Variants in ZNF33A observed in about 807,000 individuals in gnomAD.
ZNF33A encodes the protein zinc finger protein 33A.
A neutral mutation model predicts 15.9 loss-of-function variants in ZNF33A; 9 were observed. That is an observed-to-expected ratio of 0.57 (90% CI 0.34 to 0.99). The LOEUF (loss-of-function observed/expected upper bound fraction) is 0.99, where lower values mean the gene tolerates loss of function less well. Among genes scored for constraint, ZNF33A ranks in the 50% least tolerant of loss-of-function variants. ZNF33A has a pLI of 0.02. For synonymous variants in ZNF33A, 294 were observed against 324.2 expected (o/e 0.91, Z 1.00); for missense variants, 843 against 941.6 (o/e 0.90, Z 1.37).
chr10:38,017,548 GA>G (rs2064516578), intron 4 of ZNF33A, 162 bp downstream of exon 4: 2 of 506,658 alleles, frequency 3.9e-6, no homozygotes, highest in Non-Finnish European at 7.0e-6. Context: ...CAAACTTCCA[GA>G]TACTACTCAC....
Position 38,055,348 on chromosome 10 carries a change from A to G in ZNF33A, c.1224A>G (p.Thr408=), listed in dbSNP as rs370032131. 72 of 1,614,014 alleles carry G rather than the reference A, an allele frequency of 4.5e-5. No homozygotes were observed. Among genetic ancestry groups the G allele is most frequent in the Middle Eastern group, 3.3e-4 (2 of 6,084 alleles). ...TCACATTACACCAGAGAACACATAC[A>G]GGGGAGAAACCCTATCAATGTAATG... The part of the protein sequence containing the change: ...SALTLHQRTH[T]GEKPYQCNAC... The change falls in exon 5 of 5, where the codon ACA becomes ACG. Residue 408 remains threonine, a synonymous_variant. Coordinates refer to ENST00000432900, the MANE Select transcript of ZNF33A (RefSeq NM_006954.2).
At chr10:38,015,755 A>T (rs2064423291) in intron 2 of ZNF33A, among the ~76,000 whole-genome samples, 1 of 151,936 alleles carries the variant, frequency 6.6e-6, no homozygotes, top group African/African-American at 2.4e-5. Context: ...CAGAGGAAAC[A>T]TTTTTTTTCT....
chr10:38,063,653 T>C (rs1394496776), downstream of ZNF33A, among the ~76,000 whole-genome samples: 1 of 152,190 alleles, frequency 6.6e-6, no homozygotes, highest in Non-Finnish European at 1.5e-5. Flanking sequence ...GATAGTGAGG[T>C]AACTTCTAGT....
At position 38,048,367 on chromosome 10, in the gene ZNF33A, GAAGT is replaced by G. The variant is rs1467354606; in HGVS notation, c.251-6005_251-6002del. On this transcript the variant is annotated intron_variant, in intron 4 of 4. Transcript: ENST00000432900. ...CATAGCCTAAAAAGGCTGTGAAAAAGAAGTAAAGTATATACTATTGGAAGATCCA... is the reference window on the plus strand; with the variant it reads ...CATAGCCTAAAAAGGCTGTGAAAAAGAAAGTATATACTATTGGAAGATCCA... Among the ~76,000 whole-genome samples, 5 of 152,216 alleles carry G rather than the reference GAAGT, an allele frequency of 3.3e-5. No homozygotes were observed. In the East Asian group the frequency reaches 9.6e-4, roughly 29 times the overall value.
chr10:38,063,885 AG>A (rs1346365542), downstream of ZNF33A, among the ~76,000 whole-genome samples: 1 of 152,138 alleles, frequency 6.6e-6, no homozygotes, highest in Non-Finnish European at 1.5e-5. Context: ...TGACGATTGC[AG>A]GGAGGAGGTC....
intron 4 of ZNF33A, among the ~76,000 whole-genome samples, chr10:38,052,331 A>G (rs375269819): frequency 1.3e-5 from 2 of 152,296 alleles, no homozygotes; most frequent in African/African-American, 4.8e-5. Context: ...GCAATGATCA[A>G]TTGGAACTTG....
intron 4 of ZNF33A, among the ~76,000 whole-genome samples, chr10:38,029,164 C>T (rs2065109178): frequency 6.6e-6 from 1 of 152,100 alleles, no homozygotes; most frequent in Non-Finnish European, 1.5e-5. Context: ...TTTATTTTTT[C>T]CTCCAGATTA....
In ZNF33A at chr10:38,055,160, C is replaced by T. The variant is rs556451252; in HGVS notation, c.1036C>T (p.Arg346Ter). ...KAFWEKSHLT[R>*]HQRVHTGQKP... ...TTTCTGGGAGAAGTCACATCTCACT[C>T]GACATCAGAGGGTGCACACAGGACA... is the stretch of plus-strand genomic sequence containing the variant. The change falls in exon 5 of 5, where the codon CGA (arginine) becomes TGA (stop). Residue 346 changes from arginine to a stop codon, truncating the protein, a stop_gained. Coordinates refer to ENST00000432900, the MANE Select transcript of ZNF33A (RefSeq NM_006954.2). LOFTEE classifies it low-confidence loss of function (END_TRUNC). 30 of 1,613,830 alleles carry T rather than the reference C, an allele frequency of 1.9e-5. No homozygotes were observed. Among genetic ancestry groups the T allele is most frequent in the African/African-American group, 4.0e-5 (3 of 74,898 alleles).
intron 4 of ZNF33A, among the ~76,000 whole-genome samples, chr10:38,028,070 T>A (rs1219392369): frequency 6.6e-6 from 1 of 152,044 alleles, no homozygotes; most frequent in Non-Finnish European, 1.5e-5. Flanking sequence ...AGTTGGAGAC[T>A]AGCCTGGTCT....
chr10:38,044,616 T>C (rs2065872615), intron 4 of ZNF33A, among the ~76,000 whole-genome samples: 1 of 152,234 alleles, frequency 6.6e-6, no homozygotes, highest in South Asian at 2.1e-4. Context: ...ATTTTCTGTT[T>C]GATGAGGCAT....
At chr10:38,029,466 C>T (rs1435976964) in intron 4 of ZNF33A, among the ~76,000 whole-genome samples, 1 of 152,166 alleles carries the variant, frequency 6.6e-6, no homozygotes, top group Non-Finnish European at 1.5e-5. Flanking sequence ...ACAAAACTTT[C>T]CCACCATTTG....
chr10:38,033,002 C>T (rs1199151932), intron 4 of ZNF33A, among the ~76,000 whole-genome samples: 2 of 152,190 alleles, frequency 1.3e-5, no homozygotes, highest in Non-Finnish European at 2.9e-5. Flanking sequence ...CCTGCATAGG[C>T]CTCCCAAAGT....
In ZNF33A at chr10:38,055,578, C is replaced by T. The variant is rs554173031; in HGVS notation, c.1454C>T (p.Thr485Ile). The change falls in exon 5 of 5, where the codon ACA (threonine) becomes ATA (isoleucine). Residue 485 changes from threonine (T) to isoleucine (I), a missense_variant. By Grantham distance (89) the Thr-to-Ile change is moderately conservative. Transcript: ENST00000432900. ...GKSFSEKSNL[T>I]QHQRIHIGDK... ...TCCTTTAGTGAAAAGTCAAATCTTACACAGCATCAGAGAATTCACATAGGA... is the reference window on the plus strand; with the variant it reads ...TCCTTTAGTGAAAAGTCAAATCTTATACAGCATCAGAGAATTCACATAGGA... 3.1e-6 allele frequency: 5 copies of T among 1,614,126 alleles called. No individual in the cohort carries two copies. In the South Asian group the frequency reaches 4.4e-5, roughly 14 times the overall value.
At chr10:38,061,790 G>T (rs139732981), downstream of ZNF33A, among the ~76,000 whole-genome samples, 25 of 151,950 alleles carry the variant, frequency 1.6e-4, no homozygotes, top group African/African-American at 5.6e-4. Flanking sequence ...GTGAAACCCC[G>T]TCTCTACTAA....
At chr10:38,038,792 A>G (rs1258018589) in intron 4 of ZNF33A, among the ~76,000 whole-genome samples, 2 of 152,148 alleles carry the variant, frequency 1.3e-5, no homozygotes, top group Non-Finnish European at 2.9e-5. Context: ...TATAGAGAAG[A>G]TGGTCATTGG....
intron 4 of ZNF33A, among the ~76,000 whole-genome samples, chr10:38,047,968 A>T (rs1470364731): frequency 1.3e-5 from 2 of 152,228 alleles, no homozygotes; most frequent in Non-Finnish European, 2.9e-5. Context: ...GGAAAGGTTG[A>T]TAGCAGATTT....
chr10:38,055,915 T>G lies in ZNF33A; in HGVS notation c.1791T>G (p.Thr597=). 1 of 1,613,656 alleles carries G rather than the reference T, an allele frequency of 6.2e-7. No individual in the cohort carries two copies. The highest frequency in any genetic ancestry group is 8.5e-7 in the Non-Finnish European group (1 of 1,179,880). ...TCTTTTACAATAAATCATACCTAAC[T>G]AAACATAATAGAACACATACAGGGG... is the stretch of plus-strand genomic sequence containing the variant. ...GKIFYNKSYL[T]KHNRTHTGEK... Residue 597 remains threonine, a synonymous_variant, in exon 5 of 5, where the codon ACT becomes ACG. Transcript: ENST00000432900.
At chr10:38,053,590 A>G (rs1013241095) in intron 4 of ZNF33A, among the ~76,000 whole-genome samples, 4 of 152,178 alleles carry the variant, frequency 2.6e-5, no homozygotes, top group Non-Finnish European at 5.9e-5. Context: ...AGATTCCTTA[A>G]TAAGGAATGT....
At position 38,054,858 on chromosome 10, in the gene ZNF33A, A is replaced by G. The variant is rs376394572; in HGVS notation, c.734A>G (p.Asn245Ser). 29 of 1,613,450 alleles carry G rather than the reference A, an allele frequency of 1.8e-5. No individual in the cohort carries two copies. The highest frequency in any genetic ancestry group is 2.5e-5 in the Non-Finnish European group (29 of 1,179,988). ...CAGAAGAGAGAGAACGCAGAAGAGA[A>G]TAACTGTGATTATAATGAATTTGGG... ...NTQKRENAEE[N>S]NCDYNEFGRT... Residue 245 changes from asparagine to serine, a missense_variant, in exon 5 of 5, where the codon AAT (asparagine) becomes AGT (serine). Asn to Ser is a conservative substitution (Grantham distance 46). Coordinates refer to ENST00000432900, the MANE Select transcript of ZNF33A (RefSeq NM_006954.2).
Sources: gnomAD v4.1 joint callset for allele counts (sites outside exome capture counted in the v4.1 genomes callset) on GRCh38, gnomAD v4.1.1 for gene constraint, MANE v1.5 for transcripts, NCBI Gene and HGNC (gene_info 2026-07-23, HGNC 2026-07-21) for gene names.